CHST7: variants seen among roughly 807,000 people sequenced by gnomAD.
CHST7 encodes the protein carbohydrate sulfotransferase 7, also known as N-acetylglucosamine 6-O-sulfotransferase 4.
Under a neutral mutation model 9.0 loss-of-function variants are expected in CHST7, and 5 were observed. The observed-to-expected ratio is 0.56, with a 90% confidence interval of 0.29 to 1.17. CHST7 has a LOEUF of 1.17. Ranked by LOEUF, CHST7 falls within the 50% of genes most tolerant of loss-of-function variation. The pLI, the probability that CHST7 is intolerant of heterozygous loss-of-function variation, is 0.08. For missense variants in CHST7, 377 were observed against 485.1 expected (o/e 0.78, Z 2.09); for synonymous variants, 244 against 237.1 (o/e 1.03, Z -0.27).
chrX:46,577,348 A>G (rs1942504759), intron 1 of CHST7, among the ~76,000 whole-genome samples: 1 of 110,333 alleles, frequency 9.1e-6, no homozygotes, highest in East Asian at 2.8e-4. Context: ...AGCAAGCTTT[A>G]GGCTCTTCCA....
chrX:46,587,918 G>T (rs748084285), intron 1 of CHST7, among the ~76,000 whole-genome samples: 69 of 111,941 alleles, frequency 6.2e-4, no homozygotes, highest in Admixed American at 1.3e-3. Flanking sequence ...CGTTGCAAAG[G>T]ACGCTCAAGC....
chrX:46,596,110 C>T (rs778592843), intron 1 of CHST7, among the ~76,000 whole-genome samples: 5 of 107,751 alleles, frequency 4.6e-5, no homozygotes, highest in Non-Finnish European at 9.6e-5. Context: ...TGCACTCCAG[C>T]CTGGGTGACA....
intron 1 of CHST7, among the ~76,000 whole-genome samples, chrX:46,597,059 T>C (rs1333668365): frequency 8.9e-6 from 1 of 112,094 alleles, no homozygotes; most frequent in Non-Finnish European, 1.9e-5. Flanking sequence ...GAAACTGCCT[T>C]TCCCAAACTT....
intron 1 of CHST7, among the ~76,000 whole-genome samples, chrX:46,584,676 A>C (rs1942540700): frequency 9.0e-6 from 1 of 111,573 alleles, no homozygotes; most frequent in Non-Finnish European, 1.9e-5. Context: ...TCACTGGTTC[A>C]TGGTATCCAG....
chrX:46,581,535 G>A (rs898789750), intron 1 of CHST7, among the ~76,000 whole-genome samples: 6 of 100,468 alleles, frequency 6.0e-5, no homozygotes, highest in Admixed American at 3.3e-4. Context: ...TAGCCTGGGC[G>A]ACAGAGCGAG....
At position 46,575,222 on chromosome X, in the gene CHST7, G is replaced by A. The variant is rs1447501043; in HGVS notation, c.1291G>A (p.Val431Met). 12 of 1,101,976 alleles carry A rather than the reference G, an allele frequency of 1.1e-5. No individual in the cohort carries two copies. The highest frequency in any genetic ancestry group is 1.2e-6 in the Non-Finnish European group (1 of 849,433). The allele number at this position is 1,101,976 out of a possible 1,213,427, so 90.8% of individuals were successfully genotyped here. A position where few individuals can be genotyped will look rare whatever the true frequency, so the allele number is the denominator to read the frequency against. Residue 431 changes from valine to methionine, a missense_variant, in exon 1 of 2, where the codon GTG becomes ATG. By Grantham distance (21) the Val-to-Met change is conservative (BLOSUM62 1). Around this residue, in one of 3 missense-constraint regions of CHST7, gnomAD observed 130 missense variants for 134.9 expected, o/e 0.96. Coordinates refer to ENST00000276055, the MANE Select transcript of CHST7 (RefSeq NM_019886.4). ...HLSARDAREA[V>M]HAWRERLSRE... ...GTCAGCGCGCGACGCCCGGGAGGCG[G>A]TGCACGCCTGGCGCGAGCGCCTGAG...
rs765795155 is a variant in CHST7 at position 46,577,451 on chromosome X, A to G, written c.*31+2028A>G. On this transcript the variant is annotated intron_variant, in intron 1 of 1. Coordinates refer to ENST00000276055, the MANE Select transcript of CHST7 (RefSeq NM_019886.4). The stretch of plus-strand genomic sequence containing the variant: ...GCTTGTATTCTTGGTTCCTAGGAAG[A>G]TAACGTTACTGCCGACTCACTGATG... 6.3e-5 allele frequency among the ~76,000 whole-genome samples: 7 copies of G among 111,562 alleles called. No individual in the cohort carries two copies. In the South Asian group the frequency reaches 2.3e-3, roughly 36 times the overall value.
chrX:46,588,868 A>C (rs1942561238), intron 1 of CHST7, among the ~76,000 whole-genome samples: 1 of 111,509 alleles, frequency 9.0e-6, no homozygotes. Context: ...AACCTTTATA[A>C]TTCTTGAGAT....
At chrX:46,585,902 C>T (rs758178971) in intron 1 of CHST7, among the ~76,000 whole-genome samples, 2 of 110,877 alleles carry the variant, frequency 1.8e-5, no homozygotes, top group African/African-American at 3.3e-5. Context: ...CCTGCCACCA[C>T]GCCTGGCTAA....
intron 1 of CHST7, among the ~76,000 whole-genome samples, chrX:46,581,249 A>AAATAAT (rs751711982): frequency 1.1e-4 from 10 of 89,851 alleles, no homozygotes; most frequent in South Asian, 5.4e-4. Context: ...AAAAAAAAAA[A>AAATAAT]AATAATAATA....
intron 1 of CHST7, among the ~76,000 whole-genome samples, chrX:46,584,647 T>G (rs1347642875): frequency 9.4e-6 from 1 of 106,872 alleles, no homozygotes; most frequent in East Asian, 2.9e-4. Flanking sequence ...CTAGAGCGAG[T>G]GCTTGTTTGA....
chrX:46,585,848 C>T (rs752416937), intron 1 of CHST7, among the ~76,000 whole-genome samples: 2 of 111,456 alleles, frequency 1.8e-5, no homozygotes, highest in South Asian at 3.8e-4. Context: ...TGAGTTCGAG[C>T]GATTCTCGTG....
chrX:46,578,942 C>A (rs35291875), intron 1 of CHST7, among the ~76,000 whole-genome samples: 10 of 110,598 alleles, frequency 9.0e-5, no homozygotes, highest in Non-Finnish European at 1.3e-4. Context: ...ATGCCAATGC[C>A]TGAGCTCCAC....
intron 1 of CHST7, among the ~76,000 whole-genome samples, chrX:46,576,370 A>T (rs965407359): frequency 9.9e-5 from 11 of 111,627 alleles, no homozygotes; most frequent in Non-Finnish European, 2.1e-4. Context: ...TGGAGCCTTC[A>T]ATTGGCAGTA....
intron 1 of CHST7, among the ~76,000 whole-genome samples, chrX:46,584,605 G>A (rs1401841732): frequency 9.3e-6 from 1 of 107,590 alleles, no homozygotes; most frequent in Non-Finnish European, 1.9e-5. Flanking sequence ...AGGCCAGTAA[G>A]AAGCCTGAAG....
chrX:46,596,653 T>A (rs185191424), intron 1 of CHST7, among the ~76,000 whole-genome samples: 1 of 111,941 alleles, frequency 8.9e-6, no homozygotes, highest in Non-Finnish European at 1.9e-5. Context: ...TACTAAAGAT[T>A]TATAGAAAGG....
intron 1 of CHST7, among the ~76,000 whole-genome samples, chrX:46,588,205 A>AG (rs1235956603): frequency 9.0e-6 from 1 of 111,221 alleles, no homozygotes; most frequent in East Asian, 2.8e-4. Context: ...AAAAACTTGA[A>AG]GAGGAGCAGG....
intron 1 of CHST7, among the ~76,000 whole-genome samples, chrX:46,579,980 A>C (rs1306277878): frequency 9.0e-6 from 1 of 111,021 alleles, no homozygotes; most frequent in African/African-American, 3.3e-5. Context: ...TGATAGAGAG[A>C]GACCCTGTCT....
intron 1 of CHST7, among the ~76,000 whole-genome samples, chrX:46,586,370 C>T (rs1478087972): frequency 8.9e-6 from 1 of 112,224 alleles, no homozygotes; most frequent in Non-Finnish European, 1.9e-5. Context: ...TAAAGCTGAT[C>T]AAGGGCAGAG....
Sources: allele counts gnomAD v4.1 joint callset (sites outside exome capture counted in the v4.1 genomes callset), GRCh38; gene constraint gnomAD v4.1.1; regional missense constraint gnomAD v4.1.1; transcripts MANE v1.5; gene names NCBI Gene and HGNC (gene_info 2026-07-23, HGNC 2026-07-21).